The following UPRT variants were observed in gnomAD, a reference collection of about 807,000 sequenced individuals.
The protein encoded by UPRT is uracil phosphoribosyltransferase homolog.
UPRT carries 5 observed loss-of-function variants against 22.6 expected under a neutral mutation model. The ratio of observed to expected loss-of-function variants is 0.22; its 90% CI spans 0.12 to 0.47. The LOEUF is 0.47. Ranked by LOEUF, UPRT falls within the 20% of genes least tolerant of loss-of-function variation. The pLI is 0.99. For missense variants in UPRT, 181 were observed against 239.9 expected (o/e 0.75, Z 1.62); for synonymous variants, 77 against 87.7 (o/e 0.88, Z 0.68).
chrX:75,274,675 G>A lies in UPRT; in HGVS notation c.386+35G>A, dbSNP rs977870172. On this transcript the variant is annotated intron_variant, in intron 1 of 6. Coordinates refer to ENST00000373383, the MANE Select transcript of UPRT (RefSeq NM_145052.4). ...GAGCGGAAGGGGAAAGGGAAGTGGA[G>A]GGTCTTGCAGGCTGTGGGCGGGGAT... 8.7e-6 allele frequency: 10 copies of A among 1,149,253 alleles called. No homozygotes were observed. The Middle Eastern group carries it at 9.7e-4, about 111-fold the overall frequency. The allele number at this position is 1,149,253 out of a possible 1,213,427, so 94.7% of individuals were successfully genotyped here.
chrX:75,205,929 C>T (rs928808867), intron 4 of UPRT, among the ~76,000 whole-genome samples: 1 of 111,339 alleles, frequency 9.0e-6, no homozygotes, highest in Admixed American at 9.6e-5. Context: ...GGGAATGGCT[C>T]GCAAACGCAT....
intron 4 of UPRT, among the ~76,000 whole-genome samples, chrX:75,257,702 C>G (rs992162441): frequency 2.7e-5 from 3 of 111,437 alleles, no homozygotes; most frequent in Non-Finnish European, 5.6e-5. Context: ...AAATCAGTAG[C>G]TCTTATATAC....
chrX:75,182,495 T>A (rs1465934115), intron 4 of UPRT, among the ~76,000 whole-genome samples: 1 of 111,411 alleles, frequency 9.0e-6, no homozygotes, highest in African/African-American at 3.3e-5. Flanking sequence ...TTAGGCTGTT[T>A]CTGGTTTATA....
intron 4 of UPRT, among the ~76,000 whole-genome samples, chrX:75,174,421 G>T (rs931073273): frequency 3.6e-5 from 4 of 111,655 alleles, no homozygotes; most frequent in Non-Finnish European, 5.6e-5. Context: ...AAACAAATTT[G>T]ACAAGAAGGT....
At chrX:75,259,771 C>T (rs1242904032) in intron 4 of UPRT, among the ~76,000 whole-genome samples, 1 of 110,831 alleles carries the variant, frequency 9.0e-6, no homozygotes, top group Non-Finnish European at 1.9e-5. Flanking sequence ...CACAAAGATA[C>T]TCCTCGAGAA....
intron 4 of UPRT, among the ~76,000 whole-genome samples, chrX:75,231,731 G>T (rs768081659): frequency 8.9e-6 from 1 of 112,155 alleles, no homozygotes; most frequent in South Asian, 3.7e-4. Context: ...AGAAAAACCT[G>T]TAAGATTAAC....
chrX:75,286,091 C>T (rs1001472023), intron 1 of UPRT, among the ~76,000 whole-genome samples: 2 of 110,721 alleles, frequency 1.8e-5, no homozygotes, highest in African/African-American at 6.6e-5. Flanking sequence ...GCCGGAAAAG[C>T]TTTTTTTGTT....
intron 4 of UPRT, among the ~76,000 whole-genome samples, chrX:75,236,971 T>C (rs1440835291): frequency 8.0e-5 from 9 of 111,987 alleles, no homozygotes; most frequent in Non-Finnish European, 1.1e-4. Context: ...ACTAAAGAGC[T>C]TCTGCACAGC....
intron 4 of UPRT, among the ~76,000 whole-genome samples, chrX:75,234,238 A>C (rs1162265367): frequency 1.8e-5 from 2 of 111,774 alleles, no homozygotes; most frequent in Admixed American, 1.9e-4. Context: ...AGAGCTAACT[A>C]TCCTAAATAT....
intron 4 of UPRT, among the ~76,000 whole-genome samples, chrX:75,217,655 TC>T (rs2082397154): frequency 8.9e-6 from 1 of 111,798 alleles, no homozygotes; most frequent in African/African-American, 3.3e-5. Context: ...ACATTGATTT[TC>T]CAAAACAGCA....
intron 2 of UPRT, 66 bp downstream of exon 2, chrX:75,293,580 G>T: frequency 9.3e-7 from 1 of 1,077,709 alleles, no homozygotes; most frequent in Non-Finnish European, 1.2e-6. Context: ...GTAGACCAAG[G>T]GATATTTTTG....
intron 4 of UPRT, among the ~76,000 whole-genome samples, chrX:75,256,384 T>C (rs186016167): frequency 7.2e-5 from 8 of 111,659 alleles, no homozygotes; most frequent in African/African-American, 2.3e-4. Flanking sequence ...GGAAAGTTCA[T>C]AGCCATAAAC....
intron 4 of UPRT, among the ~76,000 whole-genome samples, chrX:75,238,169 T>C (rs916447962): frequency 6.3e-5 from 7 of 111,350 alleles, no homozygotes; most frequent in Admixed American, 4.8e-4. Flanking sequence ...AATGCTCTGC[T>C]TAAAAGATGC....
intron 4 of UPRT, among the ~76,000 whole-genome samples, chrX:75,185,203 C>A (rs940316669): frequency 9.0e-6 from 1 of 111,729 alleles, no homozygotes; most frequent in Non-Finnish European, 1.9e-5. Context: ...CCATCAATAC[C>A]TAATTTATTG....
chrX:75,186,330 T>C (rs1277733862), intron 4 of UPRT, among the ~76,000 whole-genome samples: 1 of 111,881 alleles, frequency 8.9e-6, no homozygotes, highest in Non-Finnish European at 1.9e-5. Flanking sequence ...AGTTGAGCAG[T>C]TTTGAGTGAG....
chrX:75,212,698 C>T (rs143677713), intron 4 of UPRT, among the ~76,000 whole-genome samples: 62 of 111,574 alleles, frequency 5.6e-4, no homozygotes, highest in Non-Finnish European at 1.0e-3. Context: ...AACAGAAAAC[C>T]AAACACTGCA....
chrX:75,186,442 T>G (rs371641900), intron 4 of UPRT, among the ~76,000 whole-genome samples: 108 of 111,464 alleles, frequency 9.7e-4, no homozygotes, highest in Non-Finnish European at 1.2e-3. Context: ...TTACTTCCAA[T>G]TATGTGGTCA....
intron 4 of UPRT, among the ~76,000 whole-genome samples, chrX:75,187,784 T>C (rs146604900): frequency 0.028 from 3,189 of 112,009 alleles, 116 homozygotes; most frequent in African/African-American, 0.099. Context: ...CATCTTCCAT[T>C]GCTGATACCC....
At chrX:75,181,607 A>G (rs1301033718) in intron 4 of UPRT, among the ~76,000 whole-genome samples, 1 of 111,281 alleles carries the variant, frequency 9.0e-6, no homozygotes, top group Non-Finnish European at 1.9e-5. Context: ...TTTTGTGGCT[A>G]TTGTGAATAG....
Sources: gnomAD v4.1 joint callset for allele counts (sites outside exome capture counted in the v4.1 genomes callset) on GRCh38, gnomAD v4.1.1 for gene constraint, MANE v1.5 for transcripts, NCBI Gene and HGNC (gene_info 2026-07-23, HGNC 2026-07-21) for gene names.